NAT10: variants seen among roughly 807,000 people sequenced by gnomAD.
NAT10 encodes the protein RNA cytidine acetyltransferase.
In NAT10, 109 loss-of-function variants were observed where a neutral mutation model predicts 132.2. That is an observed-to-expected ratio of 0.82 (90% CI 0.71 to 0.97). The LOEUF (loss-of-function observed/expected upper bound fraction) is 0.97, where lower values mean the gene tolerates loss of function less well. NAT10 is among the 50% of genes least tolerant of loss of function. The probability of loss-of-function intolerance (pLI) is 0.00; values close to 1 mark genes in which losing one functional copy is unlikely to be tolerated. For missense variants in NAT10, 1,184 were observed against 1,263.4 expected, an observed-to-expected ratio of 0.94 and a Z score of 0.95; for synonymous variants, 479 against 478.0, an observed-to-expected ratio of 1.00 and a Z score of -0.03.
At position 34,124,337 on chromosome 11, in the gene NAT10, T is replaced by A. The variant is rs896507767; in HGVS notation, c.1044T>A (p.Asn348Lys). The A allele has an allele frequency of 6.2e-7, 1 of 1,613,952 alleles. No homozygotes were observed. Among genetic ancestry groups the A allele is most frequent in the African/African-American group, 1.3e-5 (1 of 75,022 alleles). The part of the protein sequence containing the change: ...HLDYEIIQSL[N>K]PEFNKAVIRV... Reference sequence around the variant, plus strand: ...ATTATGAGATTATCCAGTCTCTAAATCCTGAATTTAACAAAGCAGTGATCA... The same window carrying A: ...ATTATGAGATTATCCAGTCTCTAAAACCTGAATTTAACAAAGCAGTGATCA... Residue 348 changes from asparagine (N) to lysine (K), a missense_variant, in exon 11 of 29, where the codon AAT becomes AAA. Asn to Lys is a moderately conservative substitution (Grantham distance 94). Transcript: ENST00000257829.
At chr11:34,131,611 T>A in intron 14 of NAT10, 80 bp downstream of exon 14, 2 of 1,418,814 alleles carry the variant, frequency 1.4e-6, no homozygotes, top group Non-Finnish European at 1.9e-6. Flanking sequence ...GTCCTTTGTT[T>A]CATAGGATGC....
chr11:34,122,359 T>C (rs1011332440), intron 8 of NAT10, 100 bp from the exon 9 acceptor site: 32 of 1,498,398 alleles, frequency 2.1e-5, no homozygotes, highest in Middle Eastern at 1.7e-4. Context: ...CGCCCTCTTA[T>C]TTAGCCTGGC....
chr11:34,123,279 T>G (rs1851928173), intron 9 of NAT10, among the ~76,000 whole-genome samples: 1 of 152,260 alleles, frequency 6.6e-6, no homozygotes, highest in Admixed American at 6.5e-5. Flanking sequence ...AGCTCCTGAC[T>G]CCTTGTCCTT....
intron 15 of NAT10, 78 bp from the exon 16 acceptor site, chr11:34,132,948 T>G: frequency 8.8e-7 from 1 of 1,131,414 alleles, no homozygotes; most frequent in Non-Finnish European, 1.3e-6. Flanking sequence ...GCAGTCATCC[T>G]GTGGTTCTGA....
Position 34,124,370 on chromosome 11 carries a change from T to G in NAT10, c.1077T>G (p.Asn359Lys). The G allele has an allele frequency of 6.2e-7, 1 of 1,614,026 alleles. No homozygotes were observed. Among genetic ancestry groups the G allele is most frequent in the East Asian group, 2.2e-5 (1 of 44,868 alleles). Reference sequence around the variant, plus strand: ...TTAACAAAGCAGTGATCAGAGTGAATGTATTTCGAGAACACAGGCAGACTA... The same window carrying G: ...TTAACAAAGCAGTGATCAGAGTGAAGGTATTTCGAGAACACAGGCAGACTA... ...PEFNKAVIRV[N>K]VFREHRQTIQ... The change falls in exon 11 of 29, where the codon AAT (asparagine) becomes AAG (lysine). Residue 359 changes from asparagine (N) to lysine (K), a missense_variant. Physicochemically the swap from Asn to Lys is moderately conservative, Grantham distance 94. Coordinates refer to ENST00000257829, the MANE Select transcript of NAT10 (RefSeq NM_024662.3).
Position 34,140,433 on chromosome 11 carries a change from T to C in NAT10, c.2453T>C (p.Leu818Pro). The C allele has an allele frequency of 1.9e-6, 3 of 1,614,084 alleles. No homozygotes were observed. The highest frequency in any genetic ancestry group is 2.5e-6 in the Non-Finnish European group (3 of 1,179,952). The change falls in exon 24 of 29, where the codon CTC becomes CCC. Residue 818 changes from leucine to proline, a missense_variant. Transcript: ENST00000257829. ...CGGGAGGAGCTGGAAGCACTCTTCC[T>C]CCCCTATGACCTGAAGCGGCTGGAG... is the stretch of plus-strand genomic sequence containing the variant. ...LSREELEALF[L>P]PYDLKRLEMY...
intron 5 of NAT10, among the ~76,000 whole-genome samples, chr11:34,114,272 A>G (rs1378635131): frequency 6.6e-6 from 1 of 152,162 alleles, no homozygotes. Flanking sequence ...AAGAATTTCA[A>G]CTCCAGCAGA....
At chr11:34,142,387 T>C in intron 27 of NAT10, 39 bp downstream of exon 27, 1 of 1,581,812 alleles carries the variant, frequency 6.3e-7, no homozygotes, top group South Asian at 1.1e-5. Flanking sequence ...CCTTGGCTTC[T>C]GGGGCCCTAA....
chr11:34,140,338 G>A (rs540372493), intron 23 of NAT10, 62 bp from the exon 24 acceptor site: 7 of 1,502,642 alleles, frequency 4.7e-6, no homozygotes, highest in Non-Finnish European at 6.4e-6. Context: ...CCTGGGGGCT[G>A]TGTGCTATCT....
At chr11:34,108,712 C>T (rs987240032) in intron 2 of NAT10, 30 bp from the exon 3 acceptor site, 3 of 1,592,650 alleles carry the variant, frequency 1.9e-6, no homozygotes, top group African/African-American at 2.7e-5. Context: ...TCTTTTGTGC[C>T]TGAAATTCTG....
At chr11:34,140,981 AC>A in intron 24 of NAT10, 107 bp from the exon 25 acceptor site, 1 of 1,452,098 alleles carries the variant, frequency 6.9e-7, no homozygotes, top group Non-Finnish European at 9.5e-7. Context: ...GTGCTAGTCT[AC>A]CTTTGTACCA....
At position 34,118,479 on chromosome 11, in the gene NAT10, G is replaced by C; in HGVS notation, c.756G>C (p.Val252=). ...LQDTQPVGVL[V]DCCKTLDQAK... is the part of the protein sequence containing the mutation. ...ACACCCAGCCTGTGGGTGTGTTGGT[G>C]GACTGCTGTAAGACTCTAGACCAGG... The change falls in exon 8 of 29, where the codon GTG becomes GTC. Residue 252 remains valine, a synonymous_variant. Coordinates refer to ENST00000257829, the MANE Select transcript of NAT10 (RefSeq NM_024662.3). The C allele has an allele frequency of 6.2e-7, 1 of 1,613,920 alleles. No individual in the cohort carries two copies. Among genetic ancestry groups the C allele is most frequent in the Non-Finnish European group, 8.5e-7 (1 of 1,179,916 alleles).
intron 19 of NAT10, among the ~76,000 whole-genome samples, chr11:34,136,329 G>A (rs1263461774): frequency 2.0e-5 from 3 of 152,062 alleles, no homozygotes; most frequent in Admixed American, 6.5e-5. Context: ...TGATCCACCC[G>A]CCTCAGTCTC....
At chr11:34,136,870 G>A in intron 20 of NAT10, 95 bp downstream of exon 20, 1 of 1,611,360 alleles carries the variant, frequency 6.2e-7, no homozygotes, top group Non-Finnish European at 8.5e-7. Context: ...TGGTATCGGT[G>A]CTAGCCTGCT....
At chr11:34,114,249 A>G (rs1851747035) in intron 5 of NAT10, among the ~76,000 whole-genome samples, 1 of 152,098 alleles carries the variant, frequency 6.6e-6, no homozygotes, top group African/African-American at 2.4e-5. Context: ...TGCCAGTTGT[A>G]CTCCAGTTTG....
Position 34,123,841 on chromosome 11 carries a change from GCT to G in NAT10, c.997_998del (p.Leu333AlafsTer9). Reference sequence around the variant, plus strand: ...TGAATTTGTATTTAAAGGATTTGATGCTCTGCAATATCAGGTAGGAAATTTGG... The same window carrying G: ...TGAATTTGTATTTAAAGGATTTGATGCTGCAATATCAGGTAGGAAATTTGG... The part of the protein sequence containing the change: ...LFEFVFKGFD[A>X]LQYQEHLDYE... On this transcript the variant is annotated frameshift_variant, in exon 10 of 29. Coordinates refer to ENST00000257829, the MANE Select transcript of NAT10 (RefSeq NM_024662.3). LOFTEE classifies it high-confidence loss of function. 1 of 1,608,028 alleles carries G rather than the reference GCT, an allele frequency of 6.2e-7. No homozygotes were observed. Among genetic ancestry groups the G allele is most frequent in the Non-Finnish European group, 8.5e-7 (1 of 1,174,484 alleles).
At chr11:34,133,175 T>C (rs1368233534) in intron 16 of NAT10, 33 bp downstream of exon 16, 1 of 1,512,346 alleles carries the variant, frequency 6.6e-7, no homozygotes, top group Admixed American at 1.7e-5. Context: ...GTGGCAGTGA[T>C]TTGGGGAACC....
In NAT10 at chr11:34,141,158, T is replaced by C; in HGVS notation, c.2662T>C (p.Ser888Pro). The C allele has an allele frequency of 6.2e-7, 1 of 1,613,926 alleles. No individual in the cohort carries two copies. The highest frequency in any genetic ancestry group is 1.1e-5 in the South Asian group (1 of 91,056). ...DQLEKEIELP[S>P]GQLMGLFNRI... Reference sequence around the variant, plus strand: ...GCTGGAAAAGGAGATTGAGCTGCCCTCGGGCCAGTTGATGGGACTTTTCAA... The same window carrying C: ...GCTGGAAAAGGAGATTGAGCTGCCCCCGGGCCAGTTGATGGGACTTTTCAA... The change falls in exon 25 of 29, where the codon TCG becomes CCG. Residue 888 changes from serine (S) to proline (P), a missense_variant. Ser to Pro is a moderately conservative substitution (Grantham distance 74, BLOSUM62 -1). Coordinates refer to ENST00000257829, the MANE Select transcript of NAT10 (RefSeq NM_024662.3).
chr11:34,117,519 C>G (rs1851802296), intron 6 of NAT10, among the ~76,000 whole-genome samples: 1 of 152,016 alleles, frequency 6.6e-6, no homozygotes, highest in African/African-American at 2.4e-5. Flanking sequence ...CTTGATGAAC[C>G]CTGGGGGCCT....
Sources: allele counts gnomAD v4.1 joint callset (sites outside exome capture counted in the v4.1 genomes callset), GRCh38; gene constraint gnomAD v4.1.1; transcripts MANE v1.5; gene names NCBI Gene and HGNC (gene_info 2026-07-23, HGNC 2026-07-21).